The following NDFIP2 variants were observed in gnomAD, a reference collection of about 807,000 sequenced individuals.
NDFIP2 encodes Nedd4 family interacting protein 2.
In NDFIP2, 19 loss-of-function variants were observed where a neutral mutation model predicts 36.0. The ratio of observed to expected loss-of-function variants is 0.53; its 90% CI spans 0.37 to 0.77. NDFIP2 has a LOEUF of 0.77. Among genes scored for constraint, NDFIP2 ranks in the 30% least tolerant of loss-of-function variants. The pLI, the probability that NDFIP2 is intolerant of heterozygous loss-of-function variation, is 0.00. For synonymous variants in NDFIP2, 181 were observed against 167.7 expected (o/e 1.08, Z -0.61); for missense variants, 446 against 435.8 (o/e 1.02, Z -0.21).
chr13:79,545,295 G>A (rs1054007114), intron 5 of NDFIP2, among the ~76,000 whole-genome samples: 8 of 152,112 alleles, frequency 5.3e-5, no homozygotes, highest in Non-Finnish European at 1.0e-4. Context: ...TGTCCTTAAA[G>A]TATTACAGCT....
At position 79,509,684 on chromosome 13, in the gene NDFIP2, T is replaced by TAGAGAGAG. The variant is rs1221392541; in HGVS notation, c.322-11125_322-11124insGAGAGAGA. Among the ~76,000 whole-genome samples the TAGAGAGAG allele has an allele frequency of 1.2e-4, 9 of 73,934 alleles. No individual in the cohort carries two copies. In the East Asian group the frequency reaches 2.7e-3, roughly 22 times the overall value. The allele number at this position is 73,934 out of a possible 152,430, so 48.5% of individuals were successfully genotyped here. A position where few individuals can be genotyped will look rare whatever the true frequency, so the allele number is the denominator to read the frequency against. ...ATAGGATGTATATTATCGATATATA[T>TAGAGAGAG]ATATATAGAGAGAGAGAGAGAGAAG... On this transcript the variant is annotated intron_variant, in intron 1 of 7. Coordinates refer to ENST00000218652, the MANE Select transcript of NDFIP2 (RefSeq NM_019080.3).
At chr13:79,544,145 T>A (rs946045661) in intron 5 of NDFIP2, among the ~76,000 whole-genome samples, 5 of 152,176 alleles carry the variant, frequency 3.3e-5, no homozygotes, top group Admixed American at 1.3e-4. Context: ...AACATAAAAA[T>A]TTCTCGTTTA....
At chr13:79,531,957 G>A (rs1274447385) in intron 2 of NDFIP2, among the ~76,000 whole-genome samples, 1 of 152,214 alleles carries the variant, frequency 6.6e-6, no homozygotes, top group Non-Finnish European at 1.5e-5. Context: ...CTTTTGCCAT[G>A]CTGTCCTTGC....
In NDFIP2 at chr13:79,553,700, A is replaced by G. The variant is rs1375089468; in HGVS notation, c.*1187A>G. ...TGGAAATGTGTTTGTGGCATATAGG[A>G]CTGTGGGGTCTGTGTGTGTAGTGAG... is the stretch of plus-strand genomic sequence containing the variant. On this transcript the variant is annotated 3_prime_UTR_variant, in exon 8 of 8. Coordinates refer to ENST00000218652, the MANE Select transcript of NDFIP2 (RefSeq NM_019080.3). 1.3e-5 allele frequency: 2 copies of G among 151,980 alleles called. No individual in the cohort carries two copies. The highest frequency in any genetic ancestry group is 3.0e-5 in the Non-Finnish European group (2 of 67,538). 9.4% of individuals were successfully genotyped at this position (151,980 alleles called of 1,614,324 possible).
intron 1 of NDFIP2, among the ~76,000 whole-genome samples, chr13:79,496,996 A>G (rs917321730): frequency 3.3e-5 from 5 of 152,076 alleles, no homozygotes; most frequent in Admixed American, 1.3e-4. Context: ...TATGTTAACT[A>G]TAACCTGAAT....
intron 1 of NDFIP2, among the ~76,000 whole-genome samples, chr13:79,482,053 A>G (rs910677059): frequency 2.6e-5 from 4 of 151,846 alleles, no homozygotes; most frequent in African/African-American, 4.8e-5. Flanking sequence ...ACTAGCCATA[A>G]TGCTGATCTT....
intron 1 of NDFIP2, among the ~76,000 whole-genome samples, chr13:79,482,396 G>T (rs548092803): frequency 1.3e-5 from 2 of 152,074 alleles, no homozygotes; most frequent in African/African-American, 4.8e-5. Flanking sequence ...TGGTGACGTT[G>T]GAGATTCCTG....
Position 79,555,363 on chromosome 13 carries a change from C to T in NDFIP2, c.*2850C>T, listed in dbSNP as rs1440273711. ...AGAGTCCTGGTTATTCCTGTTTTCT[C>T]AGCTTAATAGTGCCTCATCGTACTC... On this transcript the variant is annotated 3_prime_UTR_variant, in exon 8 of 8. Transcript: ENST00000218652. 3 of 151,068 alleles carry T rather than the reference C, an allele frequency of 2.0e-5. No individual in the cohort carries two copies. The highest frequency in any genetic ancestry group is 3.0e-5 in the Non-Finnish European group (2 of 67,700). 9.4% of individuals were successfully genotyped at this position (151,068 alleles called of 1,614,324 possible).
chr13:79,508,185 A>G (rs1180504443), intron 1 of NDFIP2, among the ~76,000 whole-genome samples: 1 of 152,218 alleles, frequency 6.6e-6, no homozygotes, highest in Non-Finnish European at 1.5e-5. Flanking sequence ...TCTTACTATT[A>G]CAAATATTGC....
intron 7 of NDFIP2, 110 bp from the exon 8 acceptor site, chr13:79,552,406 A>G (rs1429177813): frequency 1.3e-5 from 2 of 151,702 alleles, no homozygotes; most frequent in Admixed American, 6.6e-5. Flanking sequence ...TTTAATGAAG[A>G]GAATATTATA....
intron 1 of NDFIP2, among the ~76,000 whole-genome samples, chr13:79,516,450 T>C (rs1274438263): frequency 6.6e-6 from 1 of 152,140 alleles, no homozygotes; most frequent in Non-Finnish European, 1.5e-5. Flanking sequence ...CTTGAATTCC[T>C]GGGCTCCAGT....
chr13:79,510,265 C>G (rs10507899), intron 1 of NDFIP2, among the ~76,000 whole-genome samples: 5 of 151,896 alleles, frequency 3.3e-5, no homozygotes, highest in African/African-American at 1.2e-4. Context: ...TTGTAAGTCA[C>G]TGATGCTTTT....
At chr13:79,535,924 GA>G (rs945380831) in intron 3 of NDFIP2, among the ~76,000 whole-genome samples, 22 of 152,124 alleles carry the variant, frequency 1.4e-4, no homozygotes, top group East Asian at 1.9e-4. Context: ...TTTAAAAATT[GA>G]AAAAAAGTCT....
intron 1 of NDFIP2, among the ~76,000 whole-genome samples, chr13:79,483,116 G>GT (rs1352852419): frequency 2.0e-5 from 3 of 151,648 alleles, no homozygotes; most frequent in Non-Finnish European, 1.5e-5. Context: ...CCCTCCCCTC[G>GT]TTTTTTTCAA....
rs190934005 is a variant in NDFIP2 at position 79,495,145 on chromosome 13, A to G, written c.321+13621A>G. Among the ~76,000 whole-genome samples the G allele has an allele frequency of 2.7e-3, 415 of 152,048 alleles. 1 individual carries two copies. The highest frequency in any genetic ancestry group is 9.7e-3 in the African/African-American group (402 of 41,546). On this transcript the variant is annotated intron_variant, in intron 1 of 7. Transcript: ENST00000218652. ...ATTTCTTGAGACTTTTTTATGGGCT[A>G]ATATATCCAACTTGATAATATACTG... is the stretch of plus-strand genomic sequence containing the variant.
intron 2 of NDFIP2, 84 bp downstream of exon 2, chr13:79,521,059 G>A: frequency 8.5e-7 from 1 of 1,179,926 alleles, no homozygotes. Flanking sequence ...TCTGTTAATG[G>A]GCTTATAAAC....
chr13:79,531,652 C>T (rs1331653283), intron 2 of NDFIP2, among the ~76,000 whole-genome samples: 2 of 152,206 alleles, frequency 1.3e-5, no homozygotes, highest in Non-Finnish European at 1.5e-5. Context: ...TATAAACCAA[C>T]CTCTGCCAGC....
At chr13:79,506,981 C>T (rs1462224823) in intron 1 of NDFIP2, among the ~76,000 whole-genome samples, 1 of 151,998 alleles carries the variant, frequency 6.6e-6, no homozygotes, top group African/African-American at 2.4e-5. Flanking sequence ...AGTAAGAAAT[C>T]GGAGTATTTT....
intron 2 of NDFIP2, among the ~76,000 whole-genome samples, chr13:79,528,497 A>G (rs1481675633): frequency 1.4e-4 from 22 of 152,174 alleles, no homozygotes; most frequent in Non-Finnish European, 1.5e-5. Context: ...CAGTGTTTAT[A>G]AAGTCTACGG....
Sources: allele counts gnomAD v4.1 joint callset (sites outside exome capture counted in the v4.1 genomes callset), GRCh38; gene constraint gnomAD v4.1.1; transcripts MANE v1.5; gene names NCBI Gene and HGNC (gene_info 2026-07-23, HGNC 2026-07-21).